Variants in ACY3 observed in about 807,000 individuals in gnomAD.
The protein encoded by ACY3 is aminoacylase 3, also known as N-acyl-aromatic-L-amino acid amidohydrolase (carboxylate-forming).
A neutral mutation model predicts 24.6 loss-of-function variants in ACY3; 20 were observed. That is an observed-to-expected ratio of 0.81 (90% CI 0.57 to 1.18). The LOEUF (loss-of-function observed/expected upper bound fraction) is 1.18, where lower values mean the gene tolerates loss of function less well. Ranked by LOEUF, ACY3 falls within the 50% of genes most tolerant of loss-of-function variation. The pLI is 0.00. For missense variants in ACY3, 423 were observed against 426.8 expected (o/e 0.99, Z 0.08); for synonymous variants, 174 against 188.4 (o/e 0.92, Z 0.62).
Position 67,645,690 on chromosome 11 carries a change from AC to A in ACY3, c.432+1del, listed in dbSNP as rs1855501839. 6.3e-7 allele frequency: 1 copy of A among 1,596,888 alleles called. No homozygotes were observed. Among genetic ancestry groups the A allele is most frequent in the Non-Finnish European group, 8.5e-7 (1 of 1,171,710 alleles). ...GAGCTGTGTGCTTGGGGCCGGGGCCACCTGCAGATGGCGGCACAGGTGCATG... is the reference window on the plus strand; with the variant it reads ...GAGCTGTGTGCTTGGGGCCGGGGCCACTGCAGATGGCGGCACAGGTGCATG... On this transcript the variant is annotated splice_donor_variant, in intron 4 of 7. Transcript: ENST00000255082. LOFTEE classifies it high-confidence loss of function.
chr11:67,645,349 A>G lies in ACY3; in HGVS notation c.464T>C (p.Phe155Ser). 1 of 1,613,682 alleles carries G rather than the reference A, an allele frequency of 6.2e-7. No individual in the cohort carries two copies. Among genetic ancestry groups the G allele is most frequent in the Non-Finnish European group, 8.5e-7 (1 of 1,179,988 alleles). The change falls in exon 5 of 8, where the codon TTC becomes TCC. Residue 155 changes from phenylalanine to serine, a missense_variant. Physicochemically the swap from Phe to Ser is radical, Grantham distance 155. Transcript: ENST00000255082. Reference sequence around the variant, plus strand: ...CTCCTCCCCAGACCGCTGGTACAGGAAGACCTGGCAGGACAGCTCGGGGTA... The same window carrying G: ...CTCCTCCCCAGACCGCTGGTACAGGGAGACCTGGCAGGACAGCTCGGGGTA... ...LQYPELSCQVFLYQRSGEESY... is the reference protein window; with the variant it reads ...LQYPELSCQVSLYQRSGEESY...
Position 67,645,084 on chromosome 11 carries a change from C to T in ACY3, c.595G>A (p.Val199Met). 1 of 1,613,906 alleles carries T rather than the reference C, an allele frequency of 6.2e-7. No homozygotes were observed. The highest frequency in any genetic ancestry group is 8.5e-7 in the Non-Finnish European group (1 of 1,179,998). The change falls in exon 6 of 8, where the codon GTG becomes ATG. Residue 199 changes from valine to methionine, a missense_variant. Coordinates refer to ENST00000255082, the MANE Select transcript of ACY3 (RefSeq NM_080658.2). ...TCGATGAAGTCCAGAACTGTGGCCA[C>T]CAGGGTCCTCATCCTTGAGAAAATG... ...ADIFSRMRTL[V>M]ATVLDFIELF...
At chr11:67,647,786 C>A (rs1465818767) in intron 1 of ACY3, among the ~76,000 whole-genome samples, 197 bp from the exon 2 acceptor site, 1 of 152,242 alleles carries the variant, frequency 6.6e-6, no homozygotes, top group African/African-American at 2.4e-5. Context: ...CCTGCCCCTG[C>A]CCTTCGTCCT....
chr11:67,648,036 C>A lies in ACY3; in HGVS notation c.-94-447G>T, dbSNP rs1452191097. Among the ~76,000 whole-genome samples, 3 of 152,316 alleles carry A rather than the reference C, an allele frequency of 2.0e-5. No homozygotes were observed. The East Asian group carries it at 5.8e-4, about 29-fold the overall frequency. On this transcript the variant is annotated intron_variant, in intron 1 of 7. Transcript: ENST00000255082. The stretch of plus-strand genomic sequence containing the variant: ...CCTGAGTCGCCCTTACCCAAAGGTG[C>A]CATGTGGAGCCCCAGTTTTACAGCT...
chr11:67,644,918 G>A, intron 6 of ACY3, 49 bp from the exon 7 acceptor site: 1 of 1,591,632 alleles, frequency 6.3e-7, no homozygotes. Flanking sequence ...CCAGGCTAGG[G>A]GACAGACTGG....
chr11:67,646,001 G>A, intron 3 of ACY3, 114 bp from the exon 4 acceptor site: 1 of 1,059,374 alleles, frequency 9.4e-7, no homozygotes, highest in East Asian at 2.6e-5. Flanking sequence ...CTCGAGCGAG[G>A]GCTTTCCCTT....
At chr11:67,643,235 G>T (rs1050528900) in intron 7 of ACY3, among the ~76,000 whole-genome samples, 6 of 152,248 alleles carry the variant, frequency 3.9e-5, no homozygotes, top group Non-Finnish European at 5.9e-5. Context: ...GTGTAACTGT[G>T]AGCAAGTCAC....
chr11:67,645,255 C>A (rs371104378), intron 5 of ACY3, 32 bp downstream of exon 5: 2 of 1,612,050 alleles, frequency 1.2e-6, no homozygotes, highest in South Asian at 1.1e-5. Flanking sequence ...GCCCTCCTGG[C>A]CCCGCCCACT....
chr11:67,646,641 C>G (rs1855521579), intron 3 of ACY3, among the ~76,000 whole-genome samples, 167 bp downstream of exon 3: 2 of 152,336 alleles, frequency 1.3e-5, no homozygotes, highest in South Asian at 4.1e-4. Context: ...TGACATCAAT[C>G]TTGGTTTCTC....
chr11:67,649,825 CATGT>C (rs1855591456), intron 1 of ACY3, among the ~76,000 whole-genome samples: 1 of 143,986 alleles, frequency 6.9e-6, no homozygotes, highest in Non-Finnish European at 1.5e-5. Context: ...TGTGTGCATG[CATGT>C]GTGTGTACAT....
In ACY3 at chr11:67,645,049, G is replaced by C; in HGVS notation, c.630C>G (p.Asn210Lys). The C allele has an allele frequency of 6.2e-7, 1 of 1,613,814 alleles. No homozygotes were observed. The highest frequency in any genetic ancestry group is 8.5e-7 in the Non-Finnish European group (1 of 1,179,896). ...ATVLDFIELF[N>K]QGTAFPAFEM... ...GAAAGTCCCCTGGGGTCTCACCCTG[G>C]TTGAAGAGTTCGATGAAGTCCAGAA... is the stretch of plus-strand genomic sequence containing the variant. The change falls in exon 6 of 8, where the codon AAC becomes AAG. Residue 210 changes from asparagine to lysine, a missense_variant. Transcript: ENST00000255082.
rs943501385 is a variant in ACY3, at chr11:67,650,671, A to G, written c.-183T>C. 5 of 152,174 alleles carry G rather than the reference A, an allele frequency of 3.3e-5. No homozygotes were observed. The highest frequency in any genetic ancestry group is 1.2e-4 in the African/African-American group (5 of 41,428). The allele number at this position is 152,174 out of a possible 1,614,324, so 9.4% of individuals were successfully genotyped here. A position where few individuals can be genotyped will look rare whatever the true frequency, so the allele number is the denominator to read the frequency against. ...GGGCTGTCACTCCGCCCTACCCCCG[A>G]AACAGCGGAAGCAGCTGCCTGGAGC... is the stretch of plus-strand genomic sequence containing the variant. On this transcript the variant is annotated 5_prime_UTR_variant, in exon 1 of 8. Coordinates refer to ENST00000255082, the MANE Select transcript of ACY3 (RefSeq NM_080658.2).
At chr11:67,648,501 G>A (rs1334307956) in intron 1 of ACY3, among the ~76,000 whole-genome samples, 3 of 152,178 alleles carry the variant, frequency 2.0e-5, no homozygotes, top group Admixed American at 6.5e-5. Flanking sequence ...GGCCAGTTCC[G>A]AAGTCACTGG....
intron 1 of ACY3, among the ~76,000 whole-genome samples, chr11:67,649,675 T>A (rs1468851302): frequency 6.8e-6 from 1 of 146,564 alleles, no homozygotes; most frequent in Non-Finnish European, 1.5e-5. Flanking sequence ...TGCATGTGCA[T>A]GAGTATTGTG....
intron 3 of ACY3, 41 bp downstream of exon 3, chr11:67,646,767 T>C: frequency 6.3e-7 from 1 of 1,585,798 alleles, no homozygotes; most frequent in South Asian, 1.1e-5. Flanking sequence ...GGGGACTCGG[T>C]GCCCAACTGC....
chr11:67,646,656 T>C, intron 3 of ACY3, 152 bp downstream of exon 3: 1 of 807,142 alleles, frequency 1.2e-6, no homozygotes, highest in Non-Finnish European at 2.0e-6. Context: ...TTTCTCTAAA[T>C]GTTCGGTTTG....
In ACY3 at chr11:67,645,806, GC is replaced by G; in HGVS notation, c.317del (p.Gly106AlafsTer21). The G allele has an allele frequency of 6.2e-7, 1 of 1,613,996 alleles. No homozygotes were observed. Among genetic ancestry groups the G allele is most frequent in the Non-Finnish European group, 8.5e-7 (1 of 1,179,930 alleles). On this transcript the variant is annotated frameshift_variant, in exon 4 of 8. Transcript: ENST00000255082. LOFTEE classifies it high-confidence loss of function. ...LNQLLGPKAS[G>X]QAFDFVLDLH... ...GGTCAAGGACAAAGTCAAAGGCCTGGCCCGAGGCCTTGGGCCCCAGCAGCTG... is the reference window on the plus strand; with the variant it reads ...GGTCAAGGACAAAGTCAAAGGCCTGGCCGAGGCCTTGGGCCCCAGCAGCTG...
chr11:67,650,239 C>T lies in ACY3; in HGVS notation c.-95+344G>A, dbSNP rs528287021. Among the ~76,000 whole-genome samples, 5 of 152,206 alleles carry T rather than the reference C, an allele frequency of 3.3e-5. No individual in the cohort carries two copies. In the East Asian group the frequency reaches 7.7e-4, roughly 23 times the overall value. ...AGAGGGGTCAGAGCTGTGGTTCCCC[C>T]CTGTGTCAGCATCCAATTAGATCAT... On this transcript the variant is annotated intron_variant, in intron 1 of 7. Coordinates refer to ENST00000255082, the MANE Select transcript of ACY3 (RefSeq NM_080658.2).
chr11:67,650,306 G>A (rs975614746), intron 1 of ACY3, among the ~76,000 whole-genome samples: 2 of 152,128 alleles, frequency 1.3e-5, no homozygotes, highest in Non-Finnish European at 2.9e-5. Context: ...ATCAGATCAC[G>A]CCTCATTACC....
Sources: gnomAD v4.1 joint callset for allele counts (sites outside exome capture counted in the v4.1 genomes callset) on GRCh38, gnomAD v4.1.1 for gene constraint, MANE v1.5 for transcripts, NCBI Gene and HGNC (gene_info 2026-07-23, HGNC 2026-07-21) for gene names.